The following HIGD1C variants were observed in gnomAD, a reference collection of about 807,000 sequenced individuals.
The protein encoded by HIGD1C is HIG1 domain family member 1C.
A neutral mutation model predicts 13.1 loss-of-function variants in HIGD1C; 11 were observed. The observed-to-expected ratio is 0.84, with a 90% CI of 0.53 to 1.39. HIGD1C has a LOEUF of 1.39. HIGD1C is among the 40% of genes most tolerant of loss of function. The probability of loss-of-function intolerance (pLI) is 0.00; values close to 1 mark genes in which losing one functional copy is unlikely to be tolerated. For synonymous variants in HIGD1C, 36 were observed against 37.7 expected (o/e 0.95, Z 0.17); for missense variants, 110 against 112.0 (o/e 0.98, Z 0.08).
chr12:50,947,880 C>T, the HIGD1C span, among the ~76,000 whole-genome samples: 3 of 152,224 alleles, frequency 2.0e-5, no homozygotes, highest in Admixed American at 1.3e-4. Context: ...GCCTGAGAGG[C>T]GGAGGTTGCA....
At chr12:50,942,867 C>CTTT in the HIGD1C span, among the ~76,000 whole-genome samples, 663 of 140,322 alleles carry the variant, frequency 4.7e-3, 14 homozygotes, top group South Asian at 0.045. Flanking sequence ...TTTCTCTTCT[C>CTTT]TTTTTTTTTT....
chr12:50,937,740 T>C, the HIGD1C span, among the ~76,000 whole-genome samples: 5 of 152,074 alleles, frequency 3.3e-5, no homozygotes, highest in African/African-American at 1.2e-4. Flanking sequence ...CTGAAGTGGG[T>C]AACTCCTTTC....
chr12:50,964,135 C>T (rs319931), intron 2 of HIGD1C, among the ~76,000 whole-genome samples: 1 of 151,908 alleles, frequency 6.6e-6, no homozygotes, highest in African/African-American at 2.4e-5. Flanking sequence ...GGTAAATGGA[C>T]GTGGGGAATA....
chr12:50,946,911 AAAAT>A, the HIGD1C span, among the ~76,000 whole-genome samples: 1,541 of 152,306 alleles, frequency 0.01, 19 homozygotes, highest in African/African-American at 0.035. Context: ...AGTATAATAA[AAAAT>A]AAATAAATAA....
chr12:50,951,565 T>TG (rs1299685876), upstream of HIGD1C, among the ~76,000 whole-genome samples: 1 of 151,946 alleles, frequency 6.6e-6, no homozygotes, highest in East Asian at 1.9e-4. Flanking sequence ...AAACATGAGT[T>TG]GGGGGAGGGG....
At chr12:50,942,812 C>T in the HIGD1C span, among the ~76,000 whole-genome samples, 15 of 151,776 alleles carry the variant, frequency 9.9e-5, no homozygotes, top group Admixed American at 3.3e-4. Flanking sequence ...TGCAGTGAGC[C>T]CTGATTGTGC....
the HIGD1C span, among the ~76,000 whole-genome samples, chr12:50,934,570 GT>G: frequency 2.0e-5 from 3 of 152,232 alleles, no homozygotes; most frequent in Non-Finnish European, 4.4e-5. Flanking sequence ...GATGATAAAT[GT>G]TTTCTATAGA....
At chr12:50,946,047 G>A in the HIGD1C span, among the ~76,000 whole-genome samples, 3 of 152,194 alleles carry the variant, frequency 2.0e-5, no homozygotes, top group Non-Finnish European at 4.4e-5. Flanking sequence ...GCTGAAACTG[G>A]ATCCCTTCCT....
intron 2 of HIGD1C, among the ~76,000 whole-genome samples, chr12:50,963,389 A>AAAAAAAAAAAAAAAAAAAG (rs1939420361): frequency 7.4e-6 from 1 of 134,448 alleles, no homozygotes. Flanking sequence ...AAAAAAAAAA[A>AAAAAAAAAAAAAAAAAAAG]AAAAGAAAAG....
At chr12:50,952,059 A>ATTTTT (rs141699945), upstream of HIGD1C, among the ~76,000 whole-genome samples, 11 of 136,738 alleles carry the variant, frequency 8.0e-5, no homozygotes, top group East Asian at 4.2e-4. Flanking sequence ...TAGACCAGAA[A>ATTTTT]TTTTTTTTTT....
At chr12:50,957,020 G>T (rs1939120724) in intron 1 of HIGD1C, among the ~76,000 whole-genome samples, 1 of 150,820 alleles carries the variant, frequency 6.6e-6, no homozygotes. Flanking sequence ...TATGTCTGTA[G>T]CACATTAGTC....
chr12:50,958,503 C>G (rs1042864282), intron 1 of HIGD1C, among the ~76,000 whole-genome samples: 1 of 150,100 alleles, frequency 6.7e-6, no homozygotes, highest in Non-Finnish European at 1.5e-5. Context: ...GGATGGTCTT[C>G]ATCTCCTGAC....
intron 2 of HIGD1C, among the ~76,000 whole-genome samples, chr12:50,967,172 G>C (rs910554238): frequency 6.6e-6 from 1 of 151,898 alleles, no homozygotes. Context: ...CTGGAGTGCA[G>C]TGGTGCAATC....
the HIGD1C span, among the ~76,000 whole-genome samples, chr12:50,942,399 C>T: frequency 0.014 from 2,084 of 152,296 alleles, 53 homozygotes; most frequent in African/African-American, 0.046. Context: ...CCTTTCTTCC[C>T]CCATTGCTTC....
intron 2 of HIGD1C, among the ~76,000 whole-genome samples, chr12:50,961,558 A>G (rs1939331182): frequency 1.3e-5 from 2 of 152,216 alleles, no homozygotes; most frequent in Non-Finnish European, 2.9e-5. Flanking sequence ...CTTTCCTTCC[A>G]AGTTTCAGCA....
chr12:50,961,595 A>G (rs1399214750), intron 2 of HIGD1C, among the ~76,000 whole-genome samples: 1 of 152,190 alleles, frequency 6.6e-6, no homozygotes, highest in Non-Finnish European at 1.5e-5. Flanking sequence ...TTATTAGTCC[A>G]TAAATTAAGC....
At chr12:50,963,082 A>G (rs1333301491) in intron 2 of HIGD1C, among the ~76,000 whole-genome samples, 2 of 151,904 alleles carry the variant, frequency 1.3e-5, no homozygotes, top group African/African-American at 4.8e-5. Context: ...AAAAGAAAGG[A>G]AAGTAGGCCA....
chr12:50,960,303 AAGAGT>A (rs1939276942), intron 1 of HIGD1C, among the ~76,000 whole-genome samples: 1 of 152,208 alleles, frequency 6.6e-6, no homozygotes, highest in Non-Finnish European at 1.5e-5. Context: ...ACAGGAAGAG[AAGAGT>A]AAAGCCAAAC....
At chr12:50,959,395 T>C (rs1313189274) in intron 1 of HIGD1C, among the ~76,000 whole-genome samples, 1 of 152,036 alleles carries the variant, frequency 6.6e-6, no homozygotes, top group Non-Finnish European at 1.5e-5. Flanking sequence ...GCTGGGATTA[T>C]AGGTGTGAGC....
Sources: allele counts gnomAD v4.1 joint callset (sites outside exome capture counted in the v4.1 genomes callset), GRCh38; gene constraint gnomAD v4.1.1; transcripts MANE v1.5; gene names NCBI Gene and HGNC (gene_info 2026-07-23, HGNC 2026-07-21).